ARMC9: variants seen among roughly 807,000 people sequenced by gnomAD.
ARMC9 encodes armadillo repeat containing 9.
In ARMC9, 94 loss-of-function variants were observed where a neutral mutation model predicts 107.0. The observed-to-expected ratio is 0.88, with a 90% confidence interval of 0.74 to 1.04. The LOEUF (loss-of-function observed/expected upper bound fraction) is 1.04, where lower values mean the gene tolerates loss of function less well. ARMC9 is among the 50% of genes least tolerant of loss of function. The pLI is 0.00. For missense variants in ARMC9, 942 were observed against 1,030.1 expected, an observed-to-expected ratio of 0.91 and a Z score of 1.17; for synonymous variants, 380 against 396.9, an observed-to-expected ratio of 0.96 and a Z score of 0.51.
At chr2:231,237,549 C>T (rs1233337930) in intron 8 of ARMC9, among the ~76,000 whole-genome samples, 2 of 151,468 alleles carry the variant, frequency 1.3e-5, no homozygotes, top group Non-Finnish European at 2.9e-5. Flanking sequence ...CTAAATTATT[C>T]GTCCTAAAAT....
chr2:231,237,679 T>C (rs2035844583), intron 8 of ARMC9, among the ~76,000 whole-genome samples: 1 of 149,582 alleles, frequency 6.7e-6, no homozygotes, highest in African/African-American at 2.5e-5. Context: ...CTTGGCATTC[T>C]GCATATTTTA....
chr2:231,329,679 A>G (rs148937920), intron 19 of ARMC9, among the ~76,000 whole-genome samples: 52 of 152,190 alleles, frequency 3.4e-4, no homozygotes, highest in African/African-American at 1.2e-3. Context: ...ATTTATGCCT[A>G]TTTCTCTTTT....
intron 19 of ARMC9, among the ~76,000 whole-genome samples, chr2:231,314,344 C>G (rs1427569048): frequency 6.6e-6 from 1 of 152,182 alleles, no homozygotes; most frequent in Non-Finnish European, 1.5e-5. Context: ...TCCCAAAGTG[C>G]TGGGATTACA....
chr2:231,256,710 C>T (rs1179637934), intron 10 of ARMC9, 90 bp downstream of exon 10: 2 of 1,413,486 alleles, frequency 1.4e-6, no homozygotes, highest in African/African-American at 2.8e-5. Flanking sequence ...ACTTAGCAGC[C>T]TAGGTTAGAG....
intron 9 of ARMC9, among the ~76,000 whole-genome samples, chr2:231,244,432 T>A (rs929861647): frequency 6.7e-6 from 1 of 150,148 alleles, no homozygotes; most frequent in South Asian, 2.1e-4. Context: ...ATTGGCACGA[T>A]CAGGGCCTCT....
At chr2:231,324,594 A>G (rs2043207787) in intron 19 of ARMC9, among the ~76,000 whole-genome samples, 1 of 151,718 alleles carries the variant, frequency 6.6e-6, no homozygotes, top group African/African-American at 2.4e-5. Context: ...CCTACTGAAA[A>G]TACAAAATTA....
At chr2:231,261,316 C>T (rs2038319506) in intron 11 of ARMC9, among the ~76,000 whole-genome samples, 1 of 152,186 alleles carries the variant, frequency 6.6e-6, no homozygotes, top group South Asian at 2.1e-4. Flanking sequence ...TTCTTCTAGC[C>T]CTGTGGACAT....
intron 9 of ARMC9, among the ~76,000 whole-genome samples, chr2:231,252,285 T>C (rs1363632388): frequency 6.6e-6 from 1 of 152,198 alleles, no homozygotes; most frequent in Non-Finnish European, 1.5e-5. Context: ...GCTTTGCTCT[T>C]GTCACCCAGG....
intron 3 of ARMC9, 119 bp from the exon 4 acceptor site, chr2:231,214,712 T>C (rs2033297595): frequency 9.3e-7 from 1 of 1,079,552 alleles, no homozygotes; most frequent in Non-Finnish European, 1.3e-6. Context: ...GGATCTCTAT[T>C]TTTCTATCCT....
At chr2:231,222,935 T>C (rs1335480190) in intron 6 of ARMC9, 115 bp downstream of exon 6, 8 of 609,082 alleles carry the variant, frequency 1.3e-5, no homozygotes, top group Admixed American at 3.4e-5. Context: ...TAATTAATAG[T>C]GTTGCTTTCA....
chr2:231,337,290 A>ATATATATATATATATATATTTTT (rs1343774735), intron 20 of ARMC9, among the ~76,000 whole-genome samples: 1 of 38,016 alleles, frequency 2.6e-5, no homozygotes, highest in African/African-American at 1.2e-4. Flanking sequence ...ATATATATAT[A>ATATATATATATATATATATTTTT]TTTTTTTTTT....
At chr2:231,324,408 C>A (rs1308030545) in intron 19 of ARMC9, among the ~76,000 whole-genome samples, 16 of 149,274 alleles carry the variant, frequency 1.1e-4, no homozygotes, top group African/African-American at 3.9e-4. Context: ...TTATAGGCCA[C>A]GCGGCCTATA....
chr2:231,287,329 A>G (rs907075937), intron 17 of ARMC9, among the ~76,000 whole-genome samples: 1 of 152,110 alleles, frequency 6.6e-6, no homozygotes, highest in African/African-American at 2.4e-5. Context: ...AATCAAAGTC[A>G]TTTGCTTGGC....
chr2:231,215,767 G>C (rs900490954), intron 4 of ARMC9, among the ~76,000 whole-genome samples: 6 of 152,232 alleles, frequency 3.9e-5, no homozygotes, highest in African/African-American at 1.4e-4. Flanking sequence ...AACACCAACG[G>C]TGGGGACAGT....
At chr2:231,366,752 A>G (rs1413728718) in intron 23 of ARMC9, among the ~76,000 whole-genome samples, 1 of 150,136 alleles carries the variant, frequency 6.7e-6, no homozygotes, top group Non-Finnish European at 1.5e-5. Context: ...GAGGCAGGAG[A>G]ATTGCTTGAA....
At chr2:231,296,455 T>G (rs534667626) in intron 19 of ARMC9, among the ~76,000 whole-genome samples, 1 of 152,316 alleles carries the variant, frequency 6.6e-6, no homozygotes, top group South Asian at 2.1e-4. Flanking sequence ...GCGGCCATGT[T>G]TGAAGACTCC....
chr2:231,240,154 T>C (rs1267739517), intron 9 of ARMC9, 113 bp downstream of exon 9: 1 of 947,478 alleles, frequency 1.1e-6, no homozygotes, highest in Admixed American at 2.4e-5. Context: ...GCATTTAAGC[T>C]GGCTTTTGAA....
At chr2:231,371,000 T>C (rs1477818376) in intron 24 of ARMC9, 3 of 446,272 alleles carry the variant, frequency 6.7e-6, no homozygotes, top group Non-Finnish European at 8.9e-6. Flanking sequence ...GTAATGGCCA[T>C]GGCTGGGGAG....
At position 231,347,118 on chromosome 2, in the gene ARMC9, C is replaced by T. The variant is rs530057113; in HGVS notation, c.1994+2028C>T. On this transcript the variant is annotated intron_variant, in intron 21 of 24. Coordinates refer to ENST00000611582, the MANE Select transcript of ARMC9 (RefSeq NM_001352754.2). ...TCTTCTTTGAAGAGAAATTTGAGGA[C>T]GTTTTCCATGCCTGGGAGCACATCT... Among the ~76,000 whole-genome samples the T allele has an allele frequency of 3.5e-4, 54 of 152,212 alleles. 1 individual carries two copies. Among genetic ancestry groups the T allele is most frequent in the Middle Eastern group, 3.4e-3 (1 of 294 alleles).
Sources: allele counts gnomAD v4.1 joint callset (sites outside exome capture counted in the v4.1 genomes callset), GRCh38; gene constraint gnomAD v4.1.1; transcripts MANE v1.5; gene names NCBI Gene and HGNC (gene_info 2026-07-23, HGNC 2026-07-21).